LATS2: variants seen among roughly 807,000 people sequenced by gnomAD.
LATS2 encodes serine/threonine-protein kinase LATS2.
A neutral mutation model predicts 76.0 loss-of-function variants in LATS2; 24 were observed. That is an observed-to-expected ratio of 0.32 (90% CI 0.23 to 0.44). The LOEUF is 0.44. Among genes scored for constraint, LATS2 ranks in the 20% least tolerant of loss-of-function variants. The pLI is 1.00. For synonymous variants in LATS2, 692 were observed against 635.4 expected (o/e 1.09, Z -1.34); for missense variants, 1,286 against 1,481.2 (o/e 0.87, Z 2.16).
chr13:21,048,530 T>C (rs2138410006), intron 1 of LATS2, among the ~76,000 whole-genome samples: 1 of 152,198 alleles, frequency 6.6e-6, no homozygotes, highest in Non-Finnish European at 1.5e-5. Context: ...ATACAAACAT[T>C]TATTAAATAC....
At chr13:20,982,530 C>T (rs1172602670) in intron 5 of LATS2, among the ~76,000 whole-genome samples, 8 of 151,526 alleles carry the variant, frequency 5.3e-5, no homozygotes, top group Non-Finnish European at 8.8e-5. Context: ...AGGCTGGTCT[C>T]GAACTCCTGA....
chr13:21,028,221 T>A (rs1474626596), intron 2 of LATS2, among the ~76,000 whole-genome samples: 1 of 152,148 alleles, frequency 6.6e-6, no homozygotes, highest in Non-Finnish European at 1.5e-5. Context: ...AGAATGATGA[T>A]TTCCAATTTC....
At chr13:21,010,031 C>T (rs2138339428) in intron 2 of LATS2, among the ~76,000 whole-genome samples, 1 of 152,184 alleles carries the variant, frequency 6.6e-6, no homozygotes, top group African/African-American at 2.4e-5. Context: ...GAAACCCTGT[C>T]TCTACTAAAA....
intron 2 of LATS2, among the ~76,000 whole-genome samples, chr13:20,995,066 A>C (rs1310571387): frequency 6.6e-6 from 1 of 151,904 alleles, no homozygotes; most frequent in Non-Finnish European, 1.5e-5. Context: ...TCATTTCCTT[A>C]CTTTGAGTGC....
intron 1 of LATS2, among the ~76,000 whole-genome samples, chr13:21,055,205 A>G (rs1873412332): frequency 6.6e-6 from 1 of 152,252 alleles, no homozygotes; most frequent in African/African-American, 2.4e-5. Context: ...CTGGAAATGA[A>G]CAACTCTGAC....
chr13:21,008,842 A>T (rs1871459544), intron 2 of LATS2, among the ~76,000 whole-genome samples: 1 of 152,196 alleles, frequency 6.6e-6, no homozygotes, highest in African/African-American at 2.4e-5. Flanking sequence ...TCCACCCCCT[A>T]GATAAGTTCC....
chr13:20,980,374 G>T (rs944726620), intron 6 of LATS2, among the ~76,000 whole-genome samples: 3 of 152,202 alleles, frequency 2.0e-5, no homozygotes, highest in Non-Finnish European at 4.4e-5. Flanking sequence ...TGTAGGCTAG[G>T]CTCGTTTACC....
At chr13:20,989,671 C>T (rs750781702) in intron 3 of LATS2, among the ~76,000 whole-genome samples, 8 of 152,186 alleles carry the variant, frequency 5.3e-5, no homozygotes, top group Non-Finnish European at 1.2e-4. Context: ...TTTCAAAACC[C>T]TATCATGCCC....
chr13:20,982,884 G>T (rs541134558), intron 5 of LATS2, among the ~76,000 whole-genome samples: 1 of 150,956 alleles, frequency 6.6e-6, no homozygotes, highest in Non-Finnish European at 1.5e-5. Context: ...CCGGCTACTC[G>T]GGAGGCTGGA....
chr13:21,048,874 A>G (rs1052653095), intron 1 of LATS2, among the ~76,000 whole-genome samples: 1 of 151,974 alleles, frequency 6.6e-6, no homozygotes, highest in Admixed American at 6.6e-5. Flanking sequence ...AAAAATAAAA[A>G]AAACCTACTG....
intron 1 of LATS2, among the ~76,000 whole-genome samples, chr13:21,047,121 C>T (rs1412313417): frequency 6.6e-6 from 1 of 152,124 alleles, no homozygotes; most frequent in Non-Finnish European, 1.5e-5. Flanking sequence ...TCTACCTACC[C>T]CAGGCCTCGT....
chr13:21,011,912 A>C (rs1483298840), intron 2 of LATS2, among the ~76,000 whole-genome samples: 1 of 152,234 alleles, frequency 6.6e-6, no homozygotes. Context: ...TCCTCACTTA[A>C]CATCATCATT....
Position 20,974,993 on chromosome 13 carries a change from G to T in LATS2, c.3144C>A (p.Asp1048Glu), listed in dbSNP as rs538400780. The change falls in exon 8 of 8, where the codon GAC (aspartate) becomes GAA (glutamate). Residue 1048 changes from aspartate to glutamate, a missense_variant. Physicochemically the swap from Asp to Glu is conservative, Grantham distance 45 (BLOSUM62 2). Transcript: ENST00000382592. ...YEFTFRRFFD[D>E]NGYPFRCPKP... ...TTGGGCATCGAAAGGGGTAGCCATT[G>T]TCATCAAAGAACCTTCGGAAGGTGA... The T allele has an allele frequency of 6.2e-6, 10 of 1,614,256 alleles. No homozygotes were observed. The South Asian group carries it at 1.1e-4, about 18-fold the overall frequency.
intron 2 of LATS2, among the ~76,000 whole-genome samples, chr13:21,036,294 A>G (rs910885696): frequency 2.0e-5 from 3 of 152,042 alleles, no homozygotes; most frequent in Admixed American, 2.0e-4. Flanking sequence ...AACCTCCCAA[A>G]GGGCTGGGAT....
intron 2 of LATS2, among the ~76,000 whole-genome samples, chr13:21,026,040 G>T (rs1166792019): frequency 3.9e-5 from 6 of 152,088 alleles, no homozygotes; most frequent in African/African-American, 1.4e-4. Flanking sequence ...TGAAAGCACT[G>T]GCCATAAAGA....
chr13:21,020,174 C>G (rs1871998827), intron 2 of LATS2, among the ~76,000 whole-genome samples: 1 of 151,822 alleles, frequency 6.6e-6, no homozygotes, highest in Non-Finnish European at 1.5e-5. Flanking sequence ...ACACCAATTC[C>G]CACTGTGACA....
At chr13:21,048,845 A>AAAAAATAAAAAT (rs374488676) in intron 1 of LATS2, among the ~76,000 whole-genome samples, 2 of 151,986 alleles carry the variant, frequency 1.3e-5, no homozygotes, top group African/African-American at 4.8e-5. Context: ...CTCAAAAAAT[A>AAAAAATAAAAAT]AAAAATAAAA....
chr13:20,974,963 A>G lies in LATS2; in HGVS notation c.3174T>C (p.Pro1058=). 1.2e-6 allele frequency: 2 copies of G among 1,614,210 alleles called. No homozygotes were observed. The highest frequency in any genetic ancestry group is 1.7e-6 in the Non-Finnish European group (2 of 1,180,042). Residue 1058 remains proline (P), a synonymous_variant, in exon 8 of 8, where the codon CCT becomes CCC. Coordinates refer to ENST00000382592, the MANE Select transcript of LATS2 (RefSeq NM_014572.3). ...DNGYPFRCPK[P]SGAEASQAES... Reference sequence around the variant, plus strand: ...CAGCCTGTGAAGCTTCTGCTCCTGAAGGCTTTGGGCATCGAAAGGGGTAGC... The same window carrying G: ...CAGCCTGTGAAGCTTCTGCTCCTGAGGGCTTTGGGCATCGAAAGGGGTAGC...
At position 20,973,838 on chromosome 13, in the gene LATS2, A is replaced by G. The variant is rs945788081; in HGVS notation, c.*1032T>C. On this transcript the variant is annotated 3_prime_UTR_variant, in exon 8 of 8. Transcript: ENST00000382592. ...TAGGGTCAGAGGTATGGCATTCCAC[A>G]TACCAGCTCTACCAAGAATGAAAGA... The G allele has an allele frequency of 4.3e-6, 1 of 230,300 alleles. No individual in the cohort carries two copies. The highest frequency in any genetic ancestry group is 5.7e-5 in the Admixed American group (1 of 17,674). 14.3% of individuals were successfully genotyped at this position (230,300 alleles called of 1,614,324 possible).
Sources: gnomAD v4.1 joint callset for allele counts (sites outside exome capture counted in the v4.1 genomes callset) on GRCh38, gnomAD v4.1.1 for gene constraint, MANE v1.5 for transcripts, NCBI Gene and HGNC (gene_info 2026-07-23, HGNC 2026-07-21) for gene names.